Variants in NTN1 observed in about 807,000 individuals in gnomAD.
NTN1 encodes netrin-1.
NTN1 carries 11 observed loss-of-function variants against 54.2 expected under a neutral mutation model. The ratio of observed to expected loss-of-function variants is 0.20; its 90% confidence interval spans 0.13 to 0.34. NTN1 has a LOEUF of 0.34. Ranked by LOEUF, NTN1 falls within the 10% of genes least tolerant of loss-of-function variation. The pLI is 1.00. For synonymous variants in NTN1, 371 were observed against 382.0 expected (o/e 0.97, Z 0.33); for missense variants, 740 against 893.1 (o/e 0.83, Z 2.18).
chr17:9,201,565 TG>T (rs768030004), intron 5 of NTN1, among the ~76,000 whole-genome samples: 11 of 152,210 alleles, frequency 7.2e-5, no homozygotes, highest in African/African-American at 2.7e-4. Flanking sequence ...TAGAGCTCAA[TG>T]GTGCCTCTCA....
chr17:9,152,661 G>A (rs2092330934), intron 2 of NTN1, among the ~76,000 whole-genome samples: 2 of 152,278 alleles, frequency 1.3e-5, no homozygotes, highest in South Asian at 2.1e-4. Flanking sequence ...CTGAATTCCA[G>A]GGTCCCCTCC....
chr17:9,154,068 T>C (rs1169937605), intron 2 of NTN1, among the ~76,000 whole-genome samples: 2 of 152,256 alleles, frequency 1.3e-5, no homozygotes, highest in Non-Finnish European at 2.9e-5. Context: ...GTAGGGGTCA[T>C]CCAGTCTCGT....
chr17:9,163,147 GACACACACACAC>G (rs56255655), intron 3 of NTN1, 146 bp downstream of exon 3: 92,720 of 514,946 alleles, frequency 0.18, 3,010 homozygotes, highest in African/African-American at 0.22. Flanking sequence ...CTCTCTCTGT[GACACACACACAC>G]ACACACACAC....
At position 9,172,014 on chromosome 17, in the gene NTN1, G is replaced by A. The variant is rs965027408; in HGVS notation, c.1208-7793G>A. ...AGTGATTCTCCTGCCTCACCCTCCC[G>A]AGTAGCTGGGATTACAGGCATGCGC... On this transcript the variant is annotated intron_variant, in intron 3 of 6. Coordinates refer to ENST00000173229, the MANE Select transcript of NTN1 (RefSeq NM_004822.3). Among the ~76,000 whole-genome samples the A allele has an allele frequency of 3.4e-5, 5 of 148,400 alleles. No homozygotes were observed. In the South Asian group the frequency reaches 8.8e-4, roughly 26 times the overall value.
At chr17:9,234,615 G>A (rs1239902851) in intron 6 of NTN1, among the ~76,000 whole-genome samples, 1 of 152,214 alleles carries the variant, frequency 6.6e-6, no homozygotes, top group Admixed American at 6.5e-5. Flanking sequence ...GGTTTTGTCT[G>A]CACTGACAGC....
intron 2 of NTN1, among the ~76,000 whole-genome samples, chr17:9,161,318 G>A (rs1000067529): frequency 1.3e-5 from 2 of 152,224 alleles, no homozygotes; most frequent in African/African-American, 2.4e-5. Context: ...AGGGGCAGGC[G>A]AGGGGTCCTT....
At chr17:9,015,457 C>A in the NTN1 span, among the ~76,000 whole-genome samples, 1 of 152,074 alleles carries the variant, frequency 6.6e-6, no homozygotes, top group South Asian at 2.1e-4. Context: ...AAGGAAAACC[C>A]TTGGTCACAC....
chr17:9,223,669 C>T (rs550930911), intron 6 of NTN1, among the ~76,000 whole-genome samples: 2 of 152,216 alleles, frequency 1.3e-5, no homozygotes, highest in African/African-American at 2.4e-5. Flanking sequence ...TGGGGCAGGC[C>T]TCTCTCCACT....
chr17:9,158,919 T>G (rs2142295539), intron 2 of NTN1, among the ~76,000 whole-genome samples: 1 of 152,314 alleles, frequency 6.6e-6, no homozygotes, highest in East Asian at 1.9e-4. Context: ...AGCTGTCTTT[T>G]CTCCTGCATC....
intron 2 of NTN1, among the ~76,000 whole-genome samples, chr17:9,138,519 T>A (rs1333135889): frequency 6.6e-6 from 1 of 152,144 alleles, no homozygotes; most frequent in African/African-American, 2.4e-5. Flanking sequence ...CTCCGCACAC[T>A]GTCACCAAGT....
intron 2 of NTN1, among the ~76,000 whole-genome samples, chr17:9,070,920 T>A (rs948853936): frequency 6.6e-6 from 1 of 151,828 alleles, no homozygotes; most frequent in African/African-American, 2.4e-5. Flanking sequence ...CTACATGTGC[T>A]TTGTGGAGCA....
intron 2 of NTN1, among the ~76,000 whole-genome samples, chr17:9,154,121 T>C (rs978078501): frequency 6.6e-6 from 1 of 152,220 alleles, no homozygotes; most frequent in African/African-American, 2.4e-5. Context: ...TCTGGCTGGC[T>C]GATGTCTCCA....
In NTN1 at chr17:9,033,917, C is replaced by CAAA. The variant is rs58699789; in HGVS notation, c.1018+10541_1018+10543dup. 8.4e-3 allele frequency among the ~76,000 whole-genome samples: 895 copies of CAAA among 106,362 alleles called. 12 individuals are homozygous for CAAA. The highest frequency in any genetic ancestry group is 0.018 in the African/African-American group (535 of 29,028). The allele number at this position is 106,362 out of a possible 152,430, so 69.8% of individuals were successfully genotyped here. On this transcript the variant is annotated intron_variant, in intron 2 of 6. Coordinates refer to ENST00000173229, the MANE Select transcript of NTN1 (RefSeq NM_004822.3). The stretch of plus-strand genomic sequence containing the variant: ...GGGCAACAAGAGCGAAACTCTGTCT[C>CAAA]AAAAAAAAAAAAAAAAAGAAAAAGA...
intron 2 of NTN1, among the ~76,000 whole-genome samples, chr17:9,071,263 CA>C (rs113909853): frequency 0.12 from 17,587 of 152,098 alleles, 1,334 homozygotes; most frequent in Non-Finnish European, 0.16. Flanking sequence ...TAACCTCAGA[CA>C]GAGTGATTTT....
chr17:9,008,138 G>A, the NTN1 span, among the ~76,000 whole-genome samples: 1 of 151,438 alleles, frequency 6.6e-6, no homozygotes, highest in African/African-American at 2.4e-5. Context: ...ATTATTAATG[G>A]CTTATTAACA....
At chr17:9,182,854 A>C in intron 4 of NTN1, 62 bp from the exon 5 acceptor site, 1 of 1,569,320 alleles carries the variant, frequency 6.4e-7, no homozygotes, top group African/African-American at 1.3e-5. Flanking sequence ...TAAAGTCAAA[A>C]AATCATGTCG....
At chr17:9,199,971 C>T (rs577256857) in intron 5 of NTN1, among the ~76,000 whole-genome samples, 16 of 152,352 alleles carry the variant, frequency 1.1e-4, no homozygotes, top group Admixed American at 2.6e-4. Flanking sequence ...TGCCCAACAG[C>T]TGCCTAGATT....
chr17:9,062,339 A>G (rs1444487099), intron 2 of NTN1, among the ~76,000 whole-genome samples: 1 of 152,172 alleles, frequency 6.6e-6, no homozygotes, highest in Non-Finnish European at 1.5e-5. Context: ...GGATTTTCAG[A>G]TTGTTTTCAT....
chr17:9,184,756 C>T (rs886252853), intron 5 of NTN1, among the ~76,000 whole-genome samples: 1 of 152,176 alleles, frequency 6.6e-6, no homozygotes, highest in African/African-American at 2.4e-5. Context: ...TTTTCCCCTT[C>T]CAAGTCAGAA....
Sources: gnomAD v4.1 joint callset for allele counts (sites outside exome capture counted in the v4.1 genomes callset) on GRCh38, gnomAD v4.1.1 for gene constraint, MANE v1.5 for transcripts, NCBI Gene and HGNC (gene_info 2026-07-23, HGNC 2026-07-21) for gene names.